DNAH11: variants seen among roughly 807,000 people sequenced by gnomAD.
DNAH11 encodes the protein axonemal beta dynein heavy chain 11.
A neutral mutation model predicts 526.0 loss-of-function variants in DNAH11; 442 were observed. The ratio of observed to expected loss-of-function variants is 0.84; its 90% CI spans 0.78 to 0.91. DNAH11 has a LOEUF of 0.91. DNAH11 is among the 40% of genes least tolerant of loss of function. The pLI is 0.00. For synonymous variants in DNAH11, 2,461 were observed against 1,935.9 expected, an observed-to-expected ratio of 1.27 and a Z score of -7.12; for missense variants, 6,989 against 5,448.7, an observed-to-expected ratio of 1.28 and a Z score of -8.90.
rs541598686 is a variant in DNAH11 at position 21,712,528 on chromosome 7, C to T, written c.6983+668C>T. Among the ~76,000 whole-genome samples the T allele has an allele frequency of 4.8e-4, 73 of 152,324 alleles. 1 individual carries two copies. The South Asian group carries it at 0.014, about 30-fold the overall frequency. On this transcript the variant is annotated intron_variant, in intron 42 of 81. Coordinates refer to ENST00000409508, the MANE Select transcript of DNAH11 (RefSeq NM_001277115.2). The stretch of plus-strand genomic sequence containing the variant: ...GGCTTCTAATCTCTCTACACCTGTG[C>T]CGGCACTTGTTATTTTCCCTTTTTC...
chr7:21,748,350 G>A (rs1204132925), intron 51 of DNAH11, among the ~76,000 whole-genome samples: 2 of 152,118 alleles, frequency 1.3e-5, no homozygotes, highest in Non-Finnish European at 2.9e-5. Flanking sequence ...TGGGCATGGT[G>A]GTGAGTGCCC....
chr7:21,689,443 T>A (rs1783518472), intron 34 of DNAH11, among the ~76,000 whole-genome samples: 1 of 152,210 alleles, frequency 6.6e-6, no homozygotes. Context: ...TATTAAATTC[T>A]CTGTACACAT....
chr7:21,727,963 C>T (rs1785204394), intron 45 of DNAH11, among the ~76,000 whole-genome samples: 2 of 152,296 alleles, frequency 1.3e-5, no homozygotes, highest in East Asian at 1.9e-4. Context: ...CACATTCATG[C>T]TCACTGTCTC....
chr7:21,631,259 A>G (rs1219639704), intron 25 of DNAH11, among the ~76,000 whole-genome samples: 1 of 152,194 alleles, frequency 6.6e-6, no homozygotes, highest in East Asian at 1.9e-4. Context: ...CTCACAAAAC[A>G]TGGGAATTCA....
chr7:21,801,519 A>G (rs1466742036), intron 62 of DNAH11, among the ~76,000 whole-genome samples: 1 of 152,246 alleles, frequency 6.6e-6, no homozygotes, highest in Non-Finnish European at 1.5e-5. Flanking sequence ...CAGGGAAGAC[A>G]TATACTTTAT....
chr7:21,576,516 T>C (rs1262511070), intron 8 of DNAH11, among the ~76,000 whole-genome samples: 1 of 152,206 alleles, frequency 6.6e-6, no homozygotes, highest in South Asian at 2.1e-4. Flanking sequence ...TTTGATCCTT[T>C]CTAGGGCTTA....
Position 21,635,969 on chromosome 7 carries a change from C to T in DNAH11, c.4599C>T (p.Ile1533=). 5.6e-6 allele frequency: 9 copies of T among 1,613,602 alleles called. No homozygotes were observed. The highest frequency in any genetic ancestry group is 1.3e-5 in the African/African-American group (1 of 75,042). The part of the protein sequence containing the change: ...QNKLNIADLV[I]FTWMEVQRTW... Reference sequence around the variant, plus strand: ...AATTAAACATAGCAGACTTGGTCATCTTCACTTGGATGGAAGTCCAGCGAA... The same window carrying T: ...AATTAAACATAGCAGACTTGGTCATTTTCACTTGGATGGAAGTCCAGCGAA... The change falls in exon 26 of 82, where the codon ATC becomes ATT. Residue 1533 remains isoleucine (I), a synonymous_variant. Transcript: ENST00000409508.
Position 21,880,553 on chromosome 7 carries a change from A to C in DNAH11, c.12196-149A>C, listed in dbSNP as rs914185035. 18 of 751,770 alleles carry C rather than the reference A, an allele frequency of 2.4e-5. No homozygotes were observed. The South Asian group carries it at 3.0e-4, about 13-fold the overall frequency. The allele number at this position is 751,770 out of a possible 1,614,324, so 46.6% of individuals were successfully genotyped here. On this transcript the variant is annotated intron_variant, in intron 74 of 81. Transcript: ENST00000409508. ...GGCAAATGCCAAATAATCTCCTGTT[A>C]AGCTTCTCATTGGATAAGTAGCCAT...
At chr7:21,787,249 A>G (rs756908408) in intron 59 of DNAH11, among the ~76,000 whole-genome samples, 152 bp from the exon 60 acceptor site, 1 of 152,254 alleles carries the variant, frequency 6.6e-6, no homozygotes, top group Admixed American at 6.5e-5. Flanking sequence ...ACTTCGTACT[A>G]TAAAGACTGA....
intron 5 of DNAH11, among the ~76,000 whole-genome samples, chr7:21,562,115 A>G (rs1162702668): frequency 6.6e-6 from 1 of 152,174 alleles, no homozygotes. Flanking sequence ...CTGGTTTTTC[A>G]TTGGCCAAAT....
chr7:21,677,006 C>T (rs966941840), intron 30 of DNAH11, among the ~76,000 whole-genome samples: 4 of 152,126 alleles, frequency 2.6e-5, no homozygotes, highest in Admixed American at 6.5e-5. Flanking sequence ...GAAAAGGCAT[C>T]GAATAAGATG....
At chr7:21,590,884 A>G (rs1784649239) in intron 12 of DNAH11, 34 bp from the exon 13 acceptor site, 2 of 1,208,638 alleles carry the variant, frequency 1.7e-6, no homozygotes, top group African/African-American at 1.6e-5. Context: ...CATTATGAAA[A>G]TATGCAATAA....
At chr7:21,620,810 C>T (rs1275794930) in intron 25 of DNAH11, among the ~76,000 whole-genome samples, 63 of 144,782 alleles carry the variant, frequency 4.4e-4, no homozygotes, top group Admixed American at 2.0e-3. Context: ...TGAGAATATG[C>T]GGTGTTTGGT....
intron 32 of DNAH11, among the ~76,000 whole-genome samples, chr7:21,686,310 C>T (rs1252023742): frequency 6.6e-6 from 1 of 152,168 alleles, no homozygotes; most frequent in South Asian, 2.1e-4. Flanking sequence ...ACATTAGTCT[C>T]TCGTCTCCTG....
rs752231547 is a variant in DNAH11, at chr7:21,818,321, A to G, written c.10673A>G (p.Asn3558Ser). Residue 3558 changes from asparagine (N) to serine (S), a missense_variant, in exon 65 of 82, where the codon AAC becomes AGC. Coordinates refer to ENST00000409508, the MANE Select transcript of DNAH11 (RefSeq NM_001277115.2). Reference sequence around the variant, plus strand: ...GTCCTGGATCCACTACTTGGCAGGAACACAATTAAAAAAGGAAAGTAAGTA... The same window carrying G: ...GTCCTGGATCCACTACTTGGCAGGAGCACAATTAAAAAAGGAAAGTAAGTA... ...DPVLDPLLGR[N>S]TIKKGKYIRI... 1.9e-6 allele frequency: 3 copies of G among 1,605,796 alleles called. No individual in the cohort carries two copies. The highest frequency in any genetic ancestry group is 1.3e-5 in the African/African-American group (1 of 74,656).
chr7:21,787,650 G>T, intron 60 of DNAH11, 67 bp downstream of exon 60: 2 of 1,375,786 alleles, frequency 1.5e-6, no homozygotes, highest in South Asian at 1.7e-5. Flanking sequence ...TCAATTTCTA[G>T]GTCAGCGAGA....
At chr7:21,569,855 ATAG>A (rs558551059) in intron 6 of DNAH11, among the ~76,000 whole-genome samples, 30 of 152,216 alleles carry the variant, frequency 2.0e-4, no homozygotes, top group Non-Finnish European at 3.7e-4. Context: ...AAATCCAGAA[ATAG>A]TAGGGTCTCC....
chr7:21,725,976 C>A lies in DNAH11; in HGVS notation c.7432C>A (p.Pro2478Thr). 1 of 1,551,166 alleles carries A rather than the reference C, an allele frequency of 6.4e-7. No homozygotes were observed. The change falls in exon 45 of 82, where the codon CCT (proline) becomes ACT (threonine). Residue 2478 changes from proline to threonine, a missense_variant. Physicochemically the swap from Pro to Thr is conservative, Grantham distance 38. Coordinates refer to ENST00000409508, the MANE Select transcript of DNAH11 (RefSeq NM_001277115.2). ...IAQFTMDPDV[P>T]LQTVLVHTTE... ...CCAGTTTACTATGGATCCAGATGTGCCTCTGCAGGTAGGTGTGTGGAACAT... is the reference window on the plus strand; with the variant it reads ...CCAGTTTACTATGGATCCAGATGTGACTCTGCAGGTAGGTGTGTGGAACAT...
intron 65 of DNAH11, among the ~76,000 whole-genome samples, chr7:21,829,274 A>T (rs922101569): frequency 7.0e-6 from 1 of 142,938 alleles, no homozygotes; most frequent in East Asian, 2.3e-4. Flanking sequence ...TGCTTATCTT[A>T]AAAAGCAGCT....
Sources: gnomAD v4.1 joint callset for allele counts (sites outside exome capture counted in the v4.1 genomes callset) on GRCh38, gnomAD v4.1.1 for gene constraint, MANE v1.5 for transcripts, NCBI Gene and HGNC (gene_info 2026-07-23, HGNC 2026-07-21) for gene names.